The following DGKB variants were observed in gnomAD, a reference collection of about 807,000 sequenced individuals.
DGKB encodes the protein 90 kDa diacylglycerol kinase.
DGKB carries 67 observed loss-of-function variants against 114.3 expected under a neutral mutation model. The observed-to-expected ratio is 0.59, with a 90% CI of 0.48 to 0.72. The LOEUF (loss-of-function observed/expected upper bound fraction) is 0.72. Ranked by LOEUF, DGKB falls within the 30% of genes least tolerant of loss-of-function variation. The pLI, the probability that DGKB is intolerant of heterozygous loss-of-function variation, is 0.00. For missense variants in DGKB, 907 were observed against 975.2 expected, an observed-to-expected ratio of 0.93 and a Z score of 0.93; for synonymous variants, 398 against 323.1, an observed-to-expected ratio of 1.23 and a Z score of -2.49.
At chr7:14,605,316 C>T (rs151106259) in intron 17 of DGKB, among the ~76,000 whole-genome samples, 33 of 149,472 alleles carry the variant, frequency 2.2e-4, no homozygotes, top group East Asian at 2.0e-3. Context: ...TATTCTGTTA[C>T]GTAAAAAACT....
chr7:14,753,823 A>G, intron 4 of DGKB, 105 bp downstream of exon 4: 1 of 791,058 alleles, frequency 1.3e-6, no homozygotes, highest in Non-Finnish European at 2.1e-6. Flanking sequence ...TATAGAAATC[A>G]TATTGGTACA....
chr7:14,658,658 A>G (rs1386282697), intron 13 of DGKB, among the ~76,000 whole-genome samples: 1 of 151,906 alleles, frequency 6.6e-6, no homozygotes, highest in Non-Finnish European at 1.5e-5. Context: ...TATGCATGTA[A>G]CAAAATATTA....
chr7:14,472,953 G>C (rs1781633475), intron 21 of DGKB, among the ~76,000 whole-genome samples: 1 of 152,088 alleles, frequency 6.6e-6, no homozygotes, highest in Non-Finnish European at 1.5e-5. Flanking sequence ...AGTTTTATAA[G>C]GGAAGTAGAA....
intron 18 of DGKB, among the ~76,000 whole-genome samples, chr7:14,582,633 A>G (rs1483832367): frequency 6.6e-6 from 1 of 152,162 alleles, no homozygotes; most frequent in Non-Finnish European, 1.5e-5. Flanking sequence ...GATGATGATG[A>G]TGGATGATAA....
chr7:14,263,399 A>G (rs1270935422), intron 23 of DGKB, among the ~76,000 whole-genome samples: 1 of 152,092 alleles, frequency 6.6e-6, no homozygotes, highest in African/African-American at 2.4e-5. Flanking sequence ...TATCTCCCTA[A>G]GCTCATCTAT....
At chr7:14,176,203 T>C (rs1001714684) in intron 25 of DGKB, 2 of 269,434 alleles carry the variant, frequency 7.4e-6, no homozygotes, top group Non-Finnish European at 1.1e-5. Flanking sequence ...AATTACACTG[T>C]TGGTCTTGTT....
chr7:14,644,823 T>A (rs1181529273), intron 13 of DGKB, among the ~76,000 whole-genome samples: 2 of 152,170 alleles, frequency 1.3e-5, no homozygotes, highest in African/African-American at 4.8e-5. Flanking sequence ...TCTTGGGAGA[T>A]AAATAGACAT....
chr7:14,171,238 C>T lies in DGKB; in HGVS notation c.2304+5601G>A, dbSNP rs79904455. ...TACATAAATGTTTTCTAGAAGTTGC[C>T]GTGGCCTCAGCTATCACTTTGTAGA... On this transcript the variant is annotated intron_variant, in intron 25 of 25. Transcript: ENST00000402815. 4.2e-3 allele frequency among the ~76,000 whole-genome samples: 643 copies of T among 152,164 alleles called. 3 individuals are homozygous for T. The highest frequency in any genetic ancestry group is 0.017 in the South Asian group (83 of 4,812).
At chr7:14,190,086 T>C (rs1441555697) in intron 23 of DGKB, among the ~76,000 whole-genome samples, 1 of 152,172 alleles carries the variant, frequency 6.6e-6, no homozygotes, top group Non-Finnish European at 1.5e-5. Context: ...ATCCAACAGC[T>C]TTAGAATACA....
At chr7:14,835,065 T>G (rs1846963872) in intron 2 of DGKB, among the ~76,000 whole-genome samples, 1 of 152,052 alleles carries the variant, frequency 6.6e-6, no homozygotes, top group Admixed American at 6.6e-5. Flanking sequence ...AGCCAACATA[T>G]ATTCTAGAAA....
chr7:14,853,631 C>T (rs4721382), intron 1 of DGKB, among the ~76,000 whole-genome samples: 61,598 of 151,344 alleles, frequency 0.41, 13,254 homozygotes, highest in East Asian at 0.64. Context: ...CCGAGGTGGG[C>T]GGATGACGTG....
intron 15 of DGKB, among the ~76,000 whole-genome samples, chr7:14,619,332 A>G (rs1420478615): frequency 6.6e-6 from 1 of 151,666 alleles, no homozygotes; most frequent in East Asian, 1.9e-4. Context: ...ATCATCTAAG[A>G]TTTTTAATGT....
chr7:14,873,664 C>T (rs1852818001), intron 1 of DGKB, among the ~76,000 whole-genome samples: 1 of 151,804 alleles, frequency 6.6e-6, no homozygotes, highest in Non-Finnish European at 1.5e-5. Context: ...TATACACATA[C>T]ATATGTATGC....
At chr7:14,573,567 C>T (rs896115114) in intron 20 of DGKB, among the ~76,000 whole-genome samples, 5 of 149,802 alleles carry the variant, frequency 3.3e-5, no homozygotes, top group African/African-American at 1.2e-4. Flanking sequence ...TAATGTAATG[C>T]TTTATTTTCT....
chr7:14,340,843 C>A (rs1811489126), intron 22 of DGKB, among the ~76,000 whole-genome samples: 1 of 151,758 alleles, frequency 6.6e-6, no homozygotes, highest in Non-Finnish European at 1.5e-5. Flanking sequence ...CATTTTCACT[C>A]AATATTGAAC....
chr7:14,525,998 A>G (rs1431537), intron 20 of DGKB, among the ~76,000 whole-genome samples: 152,236 of 152,240 alleles, frequency 1, 76,116 homozygotes, highest in Middle Eastern at 1. Context: ...AAAAAGCTAA[A>G]CAAACTAATT....
chr7:14,769,321 T>A (rs1398869009), intron 2 of DGKB, among the ~76,000 whole-genome samples: 1 of 151,918 alleles, frequency 6.6e-6, no homozygotes, highest in African/African-American at 2.4e-5. Context: ...CAGTTTGATA[T>A]GGTTTTAGAG....
chr7:14,673,407 T>TA (rs1243650861), intron 12 of DGKB, among the ~76,000 whole-genome samples: 1 of 151,362 alleles, frequency 6.6e-6, no homozygotes, highest in African/African-American at 2.4e-5. Context: ...ATGCTTTTTT[T>TA]TTTTTTTTTT....
At chr7:14,495,940 C>T (rs1584385915) in intron 20 of DGKB, among the ~76,000 whole-genome samples, 1 of 151,872 alleles carries the variant, frequency 6.6e-6, no homozygotes, top group Non-Finnish European at 1.5e-5. Flanking sequence ...AAGAGACAAG[C>T]TTCAGGCTAC....
Sources: allele counts gnomAD v4.1 joint callset (sites outside exome capture counted in the v4.1 genomes callset), GRCh38; gene constraint gnomAD v4.1.1; transcripts MANE v1.5; gene names NCBI Gene and HGNC (gene_info 2026-07-23, HGNC 2026-07-21).